GMEB1: variants seen among roughly 807,000 people sequenced by gnomAD.
The protein encoded by GMEB1 is glucocorticoid modulatory element binding protein 1.
In GMEB1, 6 loss-of-function variants were observed where a neutral mutation model predicts 52.4. That is an observed-to-expected ratio of 0.11 (90% CI 0.06 to 0.23). The LOEUF is 0.23. Among genes scored for constraint, GMEB1 ranks in the 10% least tolerant of loss-of-function variants. GMEB1 has a pLI of 1.00. For synonymous variants in GMEB1, 255 were observed against 244.9 expected (o/e 1.04, Z -0.38); for missense variants, 486 against 685.6 (o/e 0.71, Z 3.25).
At chr1:28,677,096 T>C (rs1321841737) in intron 1 of GMEB1, among the ~76,000 whole-genome samples, 2 of 152,158 alleles carry the variant, frequency 1.3e-5, no homozygotes, top group Non-Finnish European at 2.9e-5. Context: ...GTGTAAGATG[T>C]ATGTGAAACA....
At chr1:28,671,594 A>T (rs1263033157) in intron 1 of GMEB1, among the ~76,000 whole-genome samples, 1 of 152,010 alleles carries the variant, frequency 6.6e-6, no homozygotes, top group Non-Finnish European at 1.5e-5. Flanking sequence ...GACAAAAATT[A>T]GATGGGCGTG....
At chr1:28,710,669 G>T in intron 9 of GMEB1, 27 bp downstream of exon 9, 1 of 1,464,240 alleles carries the variant, frequency 6.8e-7, no homozygotes, top group Non-Finnish European at 9.1e-7. Context: ...GCTCTTCTTC[G>T]GTGATATCAT....
intron 1 of GMEB1, among the ~76,000 whole-genome samples, chr1:28,671,798 A>G (rs993984690): frequency 6.6e-5 from 10 of 151,962 alleles, no homozygotes; most frequent in African/African-American, 2.4e-4. Flanking sequence ...ACAGTCTTCA[A>G]AAGTTATAAT....
In GMEB1 at chr1:28,696,048, GTTTA is replaced by G. The variant is rs886397087; in HGVS notation, c.441-847_441-844del. On this transcript the variant is annotated intron_variant, in intron 5 of 9. Transcript: ENST00000373816. The stretch of plus-strand genomic sequence containing the variant: ...AGGAATATCTTTATTTTTATTGTTT[GTTTA>G]TTTATTTATTTATTTATTTATTTAT... 7.9e-3 allele frequency among the ~76,000 whole-genome samples: 701 copies of G among 88,646 alleles called. 3 individuals are homozygous for G. Among genetic ancestry groups the G allele is most frequent in the Middle Eastern group, 0.057 (12 of 212 alleles). The allele number at this position is 88,646 out of a possible 152,430, so 58.2% of individuals were successfully genotyped here.
At chr1:28,671,692 C>T (rs572276407) in intron 1 of GMEB1, among the ~76,000 whole-genome samples, 2 of 151,814 alleles carry the variant, frequency 1.3e-5, no homozygotes, top group East Asian at 1.9e-4. Context: ...TGCAGTGAGC[C>T]GAGAGCGCAC....
intron 1 of GMEB1, among the ~76,000 whole-genome samples, chr1:28,674,844 A>G (rs1165864091): frequency 2.3e-4 from 30 of 133,096 alleles, no homozygotes; most frequent in African/African-American, 4.9e-4. Context: ...TCAGCCTCCC[A>G]AGTAGCTGGG....
At chr1:28,681,706 C>G (rs187456139) in intron 1 of GMEB1, among the ~76,000 whole-genome samples, 1 of 151,174 alleles carries the variant, frequency 6.6e-6, no homozygotes, top group East Asian at 1.9e-4. Flanking sequence ...TCTGACTACA[C>G]TTTTTTTTTC....
At chr1:28,673,879 G>C (rs1432683464) in intron 1 of GMEB1, among the ~76,000 whole-genome samples, 1 of 151,922 alleles carries the variant, frequency 6.6e-6, no homozygotes. Flanking sequence ...GGCCAGGCGT[G>C]GTGTCTCATG....
chr1:28,692,395 G>T (rs1670009678), intron 4 of GMEB1, among the ~76,000 whole-genome samples: 1 of 151,998 alleles, frequency 6.6e-6, no homozygotes, highest in East Asian at 1.9e-4. Context: ...AGCTGGACGT[G>T]GTATTGGGCG....
At chr1:28,675,417 T>G (rs1257869921) in intron 1 of GMEB1, among the ~76,000 whole-genome samples, 1 of 151,480 alleles carries the variant, frequency 6.6e-6, no homozygotes, top group Admixed American at 6.6e-5. Flanking sequence ...GGTGGCTCAC[T>G]CCTGTAATCC....
At chr1:28,675,795 A>G (rs150315886) in intron 1 of GMEB1, among the ~76,000 whole-genome samples, 5 of 152,252 alleles carry the variant, frequency 3.3e-5, no homozygotes, top group African/African-American at 2.4e-5. Context: ...CGATCAACTC[A>G]CTCATCTTGC....
At chr1:28,692,843 T>G in intron 4 of GMEB1, 99 bp from the exon 5 acceptor site, 1 of 586,784 alleles carries the variant, frequency 1.7e-6, no homozygotes, top group South Asian at 2.4e-5. Context: ...CATCTGGGTA[T>G]TTTTTATACA....
At chr1:28,675,857 G>A (rs2124456553) in intron 1 of GMEB1, among the ~76,000 whole-genome samples, 1 of 152,230 alleles carries the variant, frequency 6.6e-6, no homozygotes, top group South Asian at 2.1e-4. Context: ...TTTACACTCA[G>A]CTTAGAGATG....
chr1:28,672,478 C>T (rs1341896573), intron 1 of GMEB1, among the ~76,000 whole-genome samples: 4 of 151,688 alleles, frequency 2.6e-5, no homozygotes, highest in Non-Finnish European at 5.9e-5. Context: ...CCGCCTCAGC[C>T]TCCCAAAGTG....
intron 6 of GMEB1, among the ~76,000 whole-genome samples, chr1:28,701,000 A>G (rs1419549167): frequency 6.6e-6 from 1 of 151,830 alleles, no homozygotes; most frequent in African/African-American, 2.4e-5. Context: ...TGAAGTGTTG[A>G]GTTTTACTTT....
At position 28,683,612 on chromosome 1, in the gene GMEB1, G is replaced by A. The variant is rs201454881; in HGVS notation, c.-1G>A. The A allele has an allele frequency of 1.0e-5, 16 of 1,596,420 alleles. No homozygotes were observed. In the Admixed American group the frequency reaches 2.7e-4, roughly 27 times the overall value. Reference sequence around the variant, plus strand: ...CCCAGCTATCTGACTTCATGTGAAAGATGGCTAATGCAGAAGTGAGTGTCC... The same window carrying A: ...CCCAGCTATCTGACTTCATGTGAAAAATGGCTAATGCAGAAGTGAGTGTCC... On this transcript the variant is annotated 5_prime_UTR_variant, in exon 2 of 10. Transcript: ENST00000373816.
intron 9 of GMEB1, among the ~76,000 whole-genome samples, chr1:28,711,610 C>T (rs1161244477): frequency 6.6e-6 from 1 of 152,022 alleles, no homozygotes; most frequent in African/African-American, 2.4e-5. Flanking sequence ...GCATGTACCA[C>T]CGTGCCCAGC....
intron 1 of GMEB1, among the ~76,000 whole-genome samples, chr1:28,670,153 T>TTTTTTTTATTTA (rs150505866): frequency 1.3e-5 from 2 of 150,704 alleles, no homozygotes; most frequent in Admixed American, 6.6e-5. Context: ...TGGGGACCCT[T>TTTTTTTTATTTA]TTTATTTATT....
At position 28,716,664 on chromosome 1, in the gene GMEB1, T is replaced by A. The variant is rs1396984110; in HGVS notation, c.*1891T>A. Reference sequence around the variant, plus strand: ...CCAACTAGATGTCTCTTGAGTGAGCTGGACTCCCTGGGAAAGAAGCATTGT... The same window carrying A: ...CCAACTAGATGTCTCTTGAGTGAGCAGGACTCCCTGGGAAAGAAGCATTGT... On this transcript the variant is annotated 3_prime_UTR_variant, in exon 10 of 10. Coordinates refer to ENST00000373816, the MANE Select transcript of GMEB1 (RefSeq NM_001319674.2). 1 of 151,230 alleles carries A rather than the reference T, an allele frequency of 6.6e-6. No individual in the cohort carries two copies. Among genetic ancestry groups the A allele is most frequent in the Non-Finnish European group, 1.5e-5 (1 of 67,842 alleles). The allele number at this position is 151,230 out of a possible 1,614,324, so 9.4% of individuals were successfully genotyped here.
Sources: allele counts gnomAD v4.1 joint callset (sites outside exome capture counted in the v4.1 genomes callset), GRCh38; gene constraint gnomAD v4.1.1; transcripts MANE v1.5; gene names NCBI Gene and HGNC (gene_info 2026-07-23, HGNC 2026-07-21).